Variants in MDGA2 observed in about 807,000 individuals in gnomAD.
The protein encoded by MDGA2 is MAM domain containing glycosylphosphatidylinositol anchor 2.
In MDGA2, 40 loss-of-function variants were observed where a neutral mutation model predicts 117.8. That is an observed-to-expected ratio of 0.34 (90% confidence interval 0.26 to 0.44). MDGA2 has a LOEUF of 0.44. Ranked by LOEUF, MDGA2 falls within the 20% of genes least tolerant of loss-of-function variation. MDGA2 has a pLI of 1.00. For missense variants in MDGA2, 1,123 were observed against 1,250.6 expected, an observed-to-expected ratio of 0.90 and a Z score of 1.54; for synonymous variants, 452 against 439.0, an observed-to-expected ratio of 1.03 and a Z score of -0.37.
At chr14:47,126,142 A>G (rs1024223923) in intron 5 of MDGA2, among the ~76,000 whole-genome samples, 2 of 152,044 alleles carry the variant, frequency 1.3e-5, no homozygotes, top group African/African-American at 4.8e-5. Flanking sequence ...TACATTAAGA[A>G]TTTACCAATC....
At chr14:47,073,283 T>A (rs1425711745) in intron 6 of MDGA2, among the ~76,000 whole-genome samples, 1 of 152,200 alleles carries the variant, frequency 6.6e-6, no homozygotes, top group East Asian at 1.9e-4. Context: ...AGAGTCAATA[T>A]AGAAAACAGT....
chr14:46,846,961 T>G (rs565383844), intron 15 of MDGA2, among the ~76,000 whole-genome samples: 12 of 152,258 alleles, frequency 7.9e-5, no homozygotes, highest in Non-Finnish European at 1.3e-4. Context: ...TTTTTGTTTT[T>G]GTTTTTATTT....
chr14:47,583,273 A>T (rs1208322051), intron 1 of MDGA2, among the ~76,000 whole-genome samples: 1 of 151,856 alleles, frequency 6.6e-6, no homozygotes, highest in Non-Finnish European at 1.5e-5. Context: ...ATGGTCAGGA[A>T]GGACCTGTCT....
chr14:47,491,411 T>A (rs976320119), intron 1 of MDGA2, among the ~76,000 whole-genome samples: 21 of 152,122 alleles, frequency 1.4e-4, no homozygotes, highest in African/African-American at 5.1e-4. Context: ...AGGGGCGTGT[T>A]GAACTTTATC....
chr14:46,841,173 A>T lies in MDGA2; in HGVS notation c.*758T>A, dbSNP rs1880594283. On this transcript the variant is annotated 3_prime_UTR_variant, in exon 17 of 17. Coordinates refer to ENST00000399232, the MANE Select transcript of MDGA2 (RefSeq NM_001113498.3). ...TTTGGTTTCTTCATTGGAACAGATG[A>T]CGTAGTTTGGGTGTTCAAGTGGCCG... The T allele has an allele frequency of 1.3e-5, 2 of 152,536 alleles. No homozygotes were observed. Among genetic ancestry groups the T allele is most frequent in the African/African-American group, 2.4e-5 (1 of 41,428 alleles). 9.4% of individuals were successfully genotyped at this position (152,536 alleles called of 1,614,324 possible).
rs565592799 is a variant in MDGA2, at chr14:47,636,217, T to C, written c.280+38300A>G. On this transcript the variant is annotated intron_variant, in intron 1 of 16. Transcript: ENST00000399232. ...GACTCAAAAACTCCTAAAACACATA[T>C]ATCTTCATAAGGTATAACTTGAATT... Among the ~76,000 whole-genome samples, 13 of 152,274 alleles carry C rather than the reference T, an allele frequency of 8.5e-5. No individual in the cohort carries two copies. In the South Asian group the frequency reaches 2.5e-3, roughly 29 times the overall value.
chr14:47,018,733 GAAAA>G (rs60442845), intron 8 of MDGA2, among the ~76,000 whole-genome samples: 4,009 of 37,654 alleles, frequency 0.11, 35 homozygotes, highest in African/African-American at 0.14. Flanking sequence ...CCATTTTACT[GAAAA>G]AAAAAAAAAA....
At chr14:47,172,743 T>A (rs1373526419) in intron 3 of MDGA2, among the ~76,000 whole-genome samples, 1 of 152,040 alleles carries the variant, frequency 6.6e-6, no homozygotes, top group Non-Finnish European at 1.5e-5. Context: ...GCAGAGCGCC[T>A]CTCCTCCTCC....
intron 9 of MDGA2, among the ~76,000 whole-genome samples, chr14:46,954,476 C>T (rs1029235437): frequency 1.3e-5 from 2 of 152,036 alleles, no homozygotes; most frequent in Non-Finnish European, 2.9e-5. Context: ...AAACCAAGGT[C>T]TTGGCAGGAC....
chr14:46,957,996 T>C (rs1885632375), intron 8 of MDGA2, among the ~76,000 whole-genome samples: 1 of 152,298 alleles, frequency 6.6e-6, no homozygotes, highest in Middle Eastern at 3.4e-3. Flanking sequence ...TGTCTAAAAG[T>C]GGTAAGAATT....
At chr14:47,473,885 G>C (rs529899865) in intron 1 of MDGA2, among the ~76,000 whole-genome samples, 8 of 152,236 alleles carry the variant, frequency 5.3e-5, no homozygotes, top group Non-Finnish European at 8.8e-5. Flanking sequence ...TACTGAATGG[G>C]TAAAAGTTGG....
chr14:47,255,253 G>C (rs995856430), intron 2 of MDGA2, among the ~76,000 whole-genome samples: 3 of 152,210 alleles, frequency 2.0e-5, no homozygotes, highest in African/African-American at 7.2e-5. Flanking sequence ...GGCAAAGCGT[G>C]GTAGTATGAA....
chr14:47,212,434 T>A (rs1482336716), intron 3 of MDGA2, among the ~76,000 whole-genome samples: 1 of 152,164 alleles, frequency 6.6e-6, no homozygotes, highest in East Asian at 1.9e-4. Flanking sequence ...TTTTTAAAAA[T>A]CAAACTATGC....
rs184846800 is a variant in MDGA2 at position 46,914,297 on chromosome 14, A to G, written c.2238+5715T>C. 1.5e-3 allele frequency among the ~76,000 whole-genome samples: 229 copies of G among 152,254 alleles called. 2 individuals carry two copies. Among genetic ancestry groups the G allele is most frequent in the Middle Eastern group, 6.8e-3 (2 of 294 alleles). On this transcript the variant is annotated intron_variant, in intron 10 of 16. Transcript: ENST00000399232. ...GTTAATAGCTGTCTAAGGAGATTAAACAATTGCTTAGCTGAGCCTAAAAAG... is the reference window on the plus strand; with the variant it reads ...GTTAATAGCTGTCTAAGGAGATTAAGCAATTGCTTAGCTGAGCCTAAAAAG...
At chr14:47,125,007 T>C (rs561334092) in intron 5 of MDGA2, among the ~76,000 whole-genome samples, 157 of 152,238 alleles carry the variant, frequency 1.0e-3, no homozygotes, top group Admixed American at 3.4e-3. Flanking sequence ...ACGTATACCA[T>C]CTATTTTCAC....
intron 3 of MDGA2, among the ~76,000 whole-genome samples, chr14:47,207,621 T>C (rs1031083057): frequency 9.9e-5 from 15 of 152,100 alleles, no homozygotes; most frequent in African/African-American, 3.6e-4. Flanking sequence ...TATTCCCTTC[T>C]ACATTTAGAA....
At chr14:46,938,639 A>G (rs1006658124) in intron 9 of MDGA2, among the ~76,000 whole-genome samples, 7 of 151,850 alleles carry the variant, frequency 4.6e-5, no homozygotes, top group Non-Finnish European at 1.0e-4. Context: ...GATTGCAAGA[A>G]AGGGGAACTC....
chr14:47,220,917 T>C (rs185728721), intron 2 of MDGA2, among the ~76,000 whole-genome samples: 8 of 152,316 alleles, frequency 5.3e-5, no homozygotes, highest in Admixed American at 5.2e-4. Context: ...AAACATTCAT[T>C]AACCTCAGGG....
chr14:47,066,789 C>G (rs1890099576), intron 6 of MDGA2, among the ~76,000 whole-genome samples: 1 of 151,992 alleles, frequency 6.6e-6, no homozygotes, highest in South Asian at 2.1e-4. Flanking sequence ...ATAGTATTTG[C>G]TAAAACCTGT....
Sources: allele counts gnomAD v4.1 joint callset (sites outside exome capture counted in the v4.1 genomes callset), GRCh38; gene constraint gnomAD v4.1.1; transcripts MANE v1.5; gene names NCBI Gene and HGNC (gene_info 2026-07-23, HGNC 2026-07-21).